Variants in NAV3 observed in about 807,000 individuals in gnomAD.
NAV3 encodes pore membrane and/or filament interacting like protein 1.
Under a neutral mutation model 244.7 loss-of-function variants are expected in NAV3, and 87 were observed. That is an observed-to-expected ratio of 0.36 (90% CI 0.30 to 0.42). The LOEUF (loss-of-function observed/expected upper bound fraction) is 0.42, where lower values mean the gene tolerates loss of function less well. NAV3 is among the 20% of genes least tolerant of loss of function. The pLI is 1.00. For synonymous variants in NAV3, 1,126 were observed against 1,042.2 expected, an observed-to-expected ratio of 1.08 and a Z score of -1.55; for missense variants, 2,663 against 2,893.3, an observed-to-expected ratio of 0.92 and a Z score of 1.83.
intron 12 of NAV3, among the ~76,000 whole-genome samples, chr12:78,082,133 C>T (rs574732154): frequency 3.3e-5 from 5 of 152,178 alleles, no homozygotes; most frequent in Non-Finnish European, 5.9e-5. Flanking sequence ...AGCCCTCTTG[C>T]GTGCCACCAT....
chr12:78,071,752 T>A (rs944312183), intron 12 of NAV3, among the ~76,000 whole-genome samples: 4 of 152,108 alleles, frequency 2.6e-5, no homozygotes, highest in African/African-American at 9.7e-5. Context: ...ATTGCTTGTT[T>A]TTCTCAGGTT....
intron 2 of NAV3, among the ~76,000 whole-genome samples, chr12:77,600,737 T>A (rs982237305): frequency 6.6e-6 from 1 of 151,940 alleles, no homozygotes; most frequent in African/African-American, 2.4e-5. Context: ...TACAGCAGAT[T>A]CATCCCAGGA....
chr12:77,914,191 T>C (rs1350249723), intron 1 of NAV3, among the ~76,000 whole-genome samples: 1 of 152,102 alleles, frequency 6.6e-6, no homozygotes, highest in Non-Finnish European at 1.5e-5. Context: ...TAAGAGAGAA[T>C]CATCTCACAA....
chr12:78,164,162 A>C (rs1297506759), intron 23 of NAV3, among the ~76,000 whole-genome samples: 1 of 152,112 alleles, frequency 6.6e-6, no homozygotes, highest in African/African-American at 2.4e-5. Flanking sequence ...ATATTTCAGA[A>C]TTTAAAATTT....
rs139430682 is a variant in NAV3 at position 77,888,314 on chromosome 12, G to C, written c.244-52005G>C. Among the ~76,000 whole-genome samples the C allele has an allele frequency of 5.3e-3, 800 of 151,978 alleles. 8 individuals are homozygous for C. The highest frequency in any genetic ancestry group is 0.018 in the African/African-American group (765 of 41,450). On this transcript the variant is annotated intron_variant, in intron 1 of 39. Transcript: ENST00000397909. ...CAACTGAGACCCCCATCTCTACAAA[G>C]AAATAAATAAAAATTAGCCTGACAT...
chr12:77,906,450 A>G (rs1885984350), intron 1 of NAV3, among the ~76,000 whole-genome samples: 2 of 152,148 alleles, frequency 1.3e-5, no homozygotes, highest in South Asian at 4.1e-4. Flanking sequence ...TGTTTATTGC[A>G]ATCAGTATAA....
Position 78,006,443 on chromosome 12 carries a change from C to T in NAV3, c.905C>T (p.Ser302Phe), listed in dbSNP as rs2136554269. 1 of 1,613,944 alleles carries T rather than the reference C, an allele frequency of 6.2e-7. No homozygotes were observed. The highest frequency in any genetic ancestry group is 8.5e-7 in the Non-Finnish European group (1 of 1,179,886). ...GATTCCTCCAAAGGACCTCAATCGTCTTCAGGTGTAAATGGTAACGTGCAG... is the reference window on the plus strand; with the variant it reads ...GATTCCTCCAAAGGACCTCAATCGTTTTCAGGTGTAAATGGTAACGTGCAG... ...EKDSSKGPQS[S>F]SGVNGNVQPP... The change falls in exon 8 of 40, where the codon TCT (serine) becomes TTT (phenylalanine). Residue 302 changes from serine (S) to phenylalanine (F), a missense_variant. Transcript: ENST00000397909.
rs1955945617 is a variant in NAV3, at chr12:78,127,153, CTTTGT to C, written c.4239-10_4239-6del. On this transcript the variant is annotated splice_polypyrimidine_tract_variant and intron_variant, in intron 16 of 39. Transcript: ENST00000397909. ...TTTACATTATGTCCTTAGGGGTTTTCTTTGTTTTAACAGCATGCAGCTTGACAGAA... is the reference window on the plus strand; with the variant it reads ...TTTACATTATGTCCTTAGGGGTTTTCTTTAACAGCATGCAGCTTGACAGAA... 6.2e-7 allele frequency: 1 copy of C among 1,612,768 alleles called. No homozygotes were observed. The highest frequency in any genetic ancestry group is 1.7e-5 in the Admixed American group (1 of 59,860).
chr12:78,108,011 A>T (rs1260792324), intron 12 of NAV3, among the ~76,000 whole-genome samples: 2 of 152,146 alleles, frequency 1.3e-5, no homozygotes, highest in Non-Finnish European at 2.9e-5. Flanking sequence ...CCTAAACGTT[A>T]TGAAATGCCT....
intron 2 of NAV3, among the ~76,000 whole-genome samples, chr12:77,708,947 A>G (rs1875968623): frequency 1.3e-5 from 2 of 152,140 alleles, no homozygotes; most frequent in African/African-American, 2.4e-5. Context: ...TTATCAGCTT[A>G]AGGAGATTTG....
chr12:77,828,700 TGC>T (rs1379573196), upstream of NAV3, among the ~76,000 whole-genome samples: 2 of 152,204 alleles, frequency 1.3e-5, no homozygotes, highest in African/African-American at 4.8e-5. Flanking sequence ...TAGATATTAC[TGC>T]AAAAAATTAG....
intron 2 of NAV3, among the ~76,000 whole-genome samples, chr12:77,722,027 G>A (rs1003510266): frequency 3.3e-5 from 5 of 152,030 alleles, no homozygotes; most frequent in Admixed American, 2.0e-4. Context: ...GTCATAAACT[G>A]TGTGCTCCAT....
intron 2 of NAV3, among the ~76,000 whole-genome samples, chr12:77,772,918 A>G (rs1329675328): frequency 2.0e-5 from 3 of 152,170 alleles, no homozygotes; most frequent in Non-Finnish European, 4.4e-5. Context: ...TGGCATTATG[A>G]CTTGTCATGA....
At chr12:78,001,413 C>A (rs1873284351) in intron 7 of NAV3, among the ~76,000 whole-genome samples, 2 of 152,054 alleles carry the variant, frequency 1.3e-5, no homozygotes, top group South Asian at 4.1e-4. Context: ...GGATGAGTTA[C>A]ATAAATCAGT....
At chr12:77,623,758 A>G (rs995954929) in intron 2 of NAV3, among the ~76,000 whole-genome samples, 1 of 152,202 alleles carries the variant, frequency 6.6e-6, no homozygotes, top group Non-Finnish European at 1.5e-5. Context: ...TATGATAAAG[A>G]CGAACATTTC....
At chr12:77,624,236 A>G (rs1871513999) in intron 2 of NAV3, among the ~76,000 whole-genome samples, 1 of 152,178 alleles carries the variant, frequency 6.6e-6, no homozygotes, top group South Asian at 2.1e-4. Context: ...CTGGAAGGAA[A>G]TCAATTCAGT....
At chr12:77,955,020 C>T (rs997420299) in intron 3 of NAV3, among the ~76,000 whole-genome samples, 1 of 152,076 alleles carries the variant, frequency 6.6e-6, no homozygotes, top group Admixed American at 6.6e-5. Flanking sequence ...TCATTGAGCC[C>T]TTACTTATTT....
At chr12:77,774,861 A>G (rs1352322931) in intron 2 of NAV3, among the ~76,000 whole-genome samples, 1 of 152,246 alleles carries the variant, frequency 6.6e-6, no homozygotes, top group East Asian at 1.9e-4. Flanking sequence ...AACAGTCTGT[A>G]TAGAAGAAAT....
At chr12:78,027,182 T>G (rs1878195221) in intron 9 of NAV3, among the ~76,000 whole-genome samples, 1 of 151,988 alleles carries the variant, frequency 6.6e-6, no homozygotes, top group Admixed American at 6.6e-5. Context: ...ATACCTGGAA[T>G]AGCAGCACTT....
Sources: allele counts gnomAD v4.1 joint callset (sites outside exome capture counted in the v4.1 genomes callset), GRCh38; gene constraint gnomAD v4.1.1; transcripts MANE v1.5; gene names NCBI Gene and HGNC (gene_info 2026-07-23, HGNC 2026-07-21).